Variants in COL13A1 observed in about 807,000 individuals in gnomAD.
COL13A1 encodes collagen alpha-1(XIII) chain.
COL13A1 carries 89 observed loss-of-function variants against 130.9 expected under a neutral mutation model. The ratio of observed to expected loss-of-function variants is 0.68; its 90% confidence interval spans 0.57 to 0.81. COL13A1 has a LOEUF of 0.81. COL13A1 is among the 30% of genes least tolerant of loss of function. COL13A1 has a pLI of 0.00. For missense variants in COL13A1, 879 were observed against 934.6 expected (o/e 0.94, Z 0.78); for synonymous variants, 402 against 341.6 (o/e 1.18, Z -1.95).
At chr10:69,872,950 T>G (rs1390893161) in intron 4 of COL13A1, among the ~76,000 whole-genome samples, 2 of 152,186 alleles carry the variant, frequency 1.3e-5, no homozygotes, top group Non-Finnish European at 2.9e-5. Context: ...TGCTCCACCT[T>G]CAAAACCCAC....
At chr10:69,841,743 A>T (rs1851655050) in intron 2 of COL13A1, among the ~76,000 whole-genome samples, 1 of 152,192 alleles carries the variant, frequency 6.6e-6, no homozygotes, top group Non-Finnish European at 1.5e-5. Flanking sequence ...GAGCAGAGAG[A>T]TCTGGCAAGG....
chr10:69,948,078 T>A (rs12766101), intron 38 of COL13A1, among the ~76,000 whole-genome samples: 11,722 of 152,262 alleles, frequency 0.077, 580 homozygotes, highest in Middle Eastern at 0.16. Flanking sequence ...TCATGGGGCT[T>A]CCTGGAGTGG....
At chr10:69,926,110 C>A in intron 26 of COL13A1, 1 of 518,854 alleles carries the variant, frequency 1.9e-6, no homozygotes, top group Non-Finnish European at 3.4e-6. Context: ...CTGGGCCCAG[C>A]TGGCCAGTTA....
chr10:69,932,792 C>T (rs1223465455), intron 31 of COL13A1, among the ~76,000 whole-genome samples, 188 bp downstream of exon 31: 1 of 152,148 alleles, frequency 6.6e-6, no homozygotes, highest in Non-Finnish European at 1.5e-5. Flanking sequence ...GCAACCTTCA[C>T]AGAGCACCTC....
At chr10:69,945,545 C>G (rs1274293372) in intron 36 of COL13A1, 126 bp from the exon 37 acceptor site, 1 of 1,344,532 alleles carries the variant, frequency 7.4e-7, no homozygotes, top group Non-Finnish European at 1.0e-6. Flanking sequence ...TCCCATAGCC[C>G]TTGCTTCCCG....
chr10:69,807,284 C>A (rs796580160), intron 1 of COL13A1, among the ~76,000 whole-genome samples: 8 of 152,292 alleles, frequency 5.3e-5, no homozygotes, highest in African/African-American at 1.7e-4. Flanking sequence ...GATGAGAAGA[C>A]TGATGTCACT....
chr10:69,936,240 G>A (rs1199915570), intron 32 of COL13A1, among the ~76,000 whole-genome samples: 1 of 152,028 alleles, frequency 6.6e-6, no homozygotes, highest in African/African-American at 2.4e-5. Context: ...CTTGGCTACA[G>A]AAATGTAACC....
chr10:69,829,203 C>T, intron 2 of COL13A1: 3 of 984,836 alleles, frequency 3.0e-6, no homozygotes, highest in Non-Finnish European at 3.6e-6. Context: ...CTGTCAATTT[C>T]CTCCACCTCC....
chr10:69,818,755 G>C (rs1187377397), intron 1 of COL13A1, among the ~76,000 whole-genome samples: 1 of 152,232 alleles, frequency 6.6e-6, no homozygotes, highest in East Asian at 1.9e-4. Flanking sequence ...CAAGCAGAGA[G>C]AGCAGAGTCT....
rs200516802 is a variant in COL13A1, at chr10:69,941,836, A to G, written c.1914+813A>G. On this transcript the variant is annotated intron_variant, in intron 35 of 40. Coordinates refer to ENST00000645393, the MANE Select transcript of COL13A1 (RefSeq NM_001368882.1). ...AGCGCCCTCTGAGGTCAACCTTCCCAGGGTATTGAGCTCACTCGCCCTCAA... is the reference window on the plus strand; with the variant it reads ...AGCGCCCTCTGAGGTCAACCTTCCCGGGGTATTGAGCTCACTCGCCCTCAA... 2.4e-4 allele frequency among the ~76,000 whole-genome samples: 36 copies of G among 152,210 alleles called. 2 individuals carry two copies. The East Asian group carries it at 6.8e-3, about 29-fold the overall frequency.
intron 1 of COL13A1, among the ~76,000 whole-genome samples, chr10:69,809,450 TC>T (rs1219162970): frequency 6.6e-6 from 1 of 152,240 alleles, no homozygotes; most frequent in African/African-American, 2.4e-5. Context: ...CTCACAATAA[TC>T]CTATGAAGTG....
intron 7 of COL13A1, among the ~76,000 whole-genome samples, chr10:69,885,191 A>G (rs2060491354): frequency 6.6e-6 from 1 of 151,850 alleles, no homozygotes; most frequent in Admixed American, 6.5e-5. Flanking sequence ...ATAGGAGAAG[A>G]TTAAGTTTGT....
At chr10:69,937,573 G>T (rs1219822876) in intron 33 of COL13A1, 62 bp from the exon 34 acceptor site, 3 of 821,580 alleles carry the variant, frequency 3.7e-6, no homozygotes, top group Non-Finnish European at 6.3e-6. Flanking sequence ...ACCCCAGAAT[G>T]CAAGAATGAA....
intron 2 of COL13A1, among the ~76,000 whole-genome samples, chr10:69,840,078 G>C (rs1851187404): frequency 6.6e-6 from 1 of 152,212 alleles, no homozygotes; most frequent in African/African-American, 2.4e-5. Flanking sequence ...TGCAGATTTT[G>C]GGTATGTGCT....
chr10:69,898,637 C>T lies in COL13A1; in HGVS notation c.685-60C>T, dbSNP rs2061892447. 5 of 1,504,114 alleles carry T rather than the reference C, an allele frequency of 3.3e-6. No individual in the cohort carries two copies. The Admixed American group carries it at 7.4e-5, about 22-fold the overall frequency. 93.2% of individuals were successfully genotyped at this position (1,504,114 alleles called of 1,614,324 possible). A position where few individuals can be genotyped will look rare whatever the true frequency, so the allele number is the denominator to read the frequency against. On this transcript the variant is annotated intron_variant, in intron 13 of 40. Coordinates refer to ENST00000645393, the MANE Select transcript of COL13A1 (RefSeq NM_001368882.1). ...CCTCCTGGTGACTTTTGGCATCGAT[C>T]TGAATACCTGTGATCTTTGGCCTTT...
At chr10:69,847,696 G>A (rs188545120) in intron 2 of COL13A1, among the ~76,000 whole-genome samples, 5 of 152,344 alleles carry the variant, frequency 3.3e-5, no homozygotes, top group Admixed American at 2.0e-4. Context: ...GAGGAATGGC[G>A]TTTGCTGGCG....
Position 69,872,093 on chromosome 10 carries a change from T to A in COL13A1, c.373-91T>A, listed in dbSNP as rs1484040626. The A allele has an allele frequency of 2.7e-6, 4 of 1,486,600 alleles. No homozygotes were observed. The Middle Eastern group carries it at 5.1e-4, about 191-fold the overall frequency. The allele number at this position is 1,486,600 out of a possible 1,614,324, so 92.1% of individuals were successfully genotyped here. ...ATAACAAAGGCTTACCCAAGTGGCA[T>A]GCCAAGGTCACACAGCTGGTTGAGA... On this transcript the variant is annotated intron_variant, in intron 3 of 40. Coordinates refer to ENST00000645393, the MANE Select transcript of COL13A1 (RefSeq NM_001368882.1).
intron 38 of COL13A1, among the ~76,000 whole-genome samples, chr10:69,947,602 C>T (rs1589717139): frequency 6.6e-6 from 1 of 152,120 alleles, no homozygotes. Context: ...CATTGCTATC[C>T]AGCAACAAGA....
At chr10:69,848,197 C>G in intron 2 of COL13A1, among the ~76,000 whole-genome samples, 1 of 152,086 alleles carries the variant, frequency 6.6e-6, no homozygotes, top group East Asian at 1.9e-4. Context: ...ATCAGATGGC[C>G]GCATCTGATC....
Sources: allele counts gnomAD v4.1 joint callset (sites outside exome capture counted in the v4.1 genomes callset), GRCh38; gene constraint gnomAD v4.1.1; transcripts MANE v1.5; gene names NCBI Gene and HGNC (gene_info 2026-07-23, HGNC 2026-07-21).